Variants in FAP observed in about 807,000 individuals in gnomAD.
FAP encodes the protein fibroblast activation protein alpha, also known as prolyl endopeptidase FAP.
FAP carries 110 observed loss-of-function variants against 126.5 expected under a neutral mutation model. That is an observed-to-expected ratio of 0.87 (90% confidence interval 0.74 to 1.02). The LOEUF (loss-of-function observed/expected upper bound fraction) is 1.02, where lower values mean the gene tolerates loss of function less well. FAP is among the 50% of genes least tolerant of loss of function. The pLI is 0.00. For synonymous variants in FAP, 334 were observed against 297.3 expected, an observed-to-expected ratio of 1.12 and a Z score of -1.27; for missense variants, 919 against 909.2, an observed-to-expected ratio of 1.01 and a Z score of -0.14.
intron 12 of FAP, among the ~76,000 whole-genome samples, chr2:162,208,095 A>G (rs1395699611): frequency 6.6e-6 from 1 of 151,764 alleles, no homozygotes; most frequent in Non-Finnish European, 1.5e-5. Flanking sequence ...GTCTCTATTA[A>G]AAATACAAAA....
chr2:162,194,064 A>G (rs1346476026), intron 17 of FAP: 1 of 152,250 alleles, frequency 6.6e-6, no homozygotes, highest in East Asian at 1.9e-4. Flanking sequence ...TGAGATGTGA[A>G]CTATTTTGAA....
intron 2 of FAP, among the ~76,000 whole-genome samples, chr2:162,237,380 C>G (rs1690181557): frequency 6.6e-6 from 1 of 152,146 alleles, no homozygotes; most frequent in Non-Finnish European, 1.5e-5. Flanking sequence ...GTCCCCCGAC[C>G]CCCCAACAGG....
Position 162,243,088 on chromosome 2 carries a change from C to T in FAP, c.7-96G>A, listed in dbSNP as rs1690420131. On this transcript the variant is annotated intron_variant, in intron 1 of 25. Coordinates refer to ENST00000188790, the MANE Select transcript of FAP (RefSeq NM_004460.5). ...TACACCTAAATCCTTTTTCTCTCGC[C>T]CCACAAAGCTTTTGATTGTTTTCCA... 4.9e-6 allele frequency: 5 copies of T among 1,015,206 alleles called. No homozygotes were observed. The Admixed American group carries it at 6.3e-5, about 13-fold the overall frequency. 62.9% of individuals were successfully genotyped at this position (1,015,206 alleles called of 1,614,324 possible).
At chr2:162,183,771 T>C (rs191663414) in intron 20 of FAP, among the ~76,000 whole-genome samples, 1 of 152,208 alleles carries the variant, frequency 6.6e-6, no homozygotes, top group East Asian at 1.9e-4. Context: ...AAAAGATGGG[T>C]TCATAGTGAC....
Position 162,243,412 on chromosome 2 carries a change from G to C in FAP, c.-85C>G. On this transcript the variant is annotated 5_prime_UTR_variant, in exon 1 of 26. Coordinates refer to ENST00000188790, the MANE Select transcript of FAP (RefSeq NM_004460.5). ...TGTGAAAACCGTTGAAAAGGACCAA[G>C]TCTGTCTTTGTAGTTGGAAGCTGAA... 6.5e-7 allele frequency: 1 copy of C among 1,545,984 alleles called. No homozygotes were observed. Among genetic ancestry groups the C allele is most frequent in the Non-Finnish European group, 8.7e-7 (1 of 1,152,708 alleles).
chr2:162,238,979 C>T (rs1340471996), intron 2 of FAP, among the ~76,000 whole-genome samples: 1 of 152,164 alleles, frequency 6.6e-6, no homozygotes, highest in South Asian at 2.1e-4. Flanking sequence ...AAAGGCAAGA[C>T]TCAGCTAAAT....
chr2:162,201,221 G>C (rs1172870218), intron 14 of FAP, among the ~76,000 whole-genome samples: 2 of 152,052 alleles, frequency 1.3e-5, no homozygotes, highest in Non-Finnish European at 2.9e-5. Flanking sequence ...ATGTTCATCT[G>C]AGTATCAGAA....
At chr2:162,228,716 G>A (rs1689766263) in intron 2 of FAP, among the ~76,000 whole-genome samples, 1 of 152,100 alleles carries the variant, frequency 6.6e-6, no homozygotes, top group Admixed American at 6.5e-5. Context: ...TAATGAAATG[G>A]TATTATGTAG....
chr2:162,173,608 A>G (rs1687388189), intron 23 of FAP, 115 bp downstream of exon 23: 1 of 741,814 alleles, frequency 1.3e-6, no homozygotes, highest in Admixed American at 2.1e-5. Flanking sequence ...AATTAACAAA[A>G]GATGATATTT....
chr2:162,199,498 C>G (rs2106242848), intron 15 of FAP, among the ~76,000 whole-genome samples: 1 of 152,278 alleles, frequency 6.6e-6, no homozygotes, highest in South Asian at 2.1e-4. Flanking sequence ...ACTCACCCTG[C>G]AGAGTCATCT....
intron 14 of FAP, among the ~76,000 whole-genome samples, chr2:162,201,728 T>G (rs1046236706): frequency 2.0e-5 from 3 of 152,210 alleles, no homozygotes; most frequent in African/African-American, 7.2e-5. Context: ...TGTATTGAAC[T>G]ACTCTGTGTC....
intron 7 of FAP, 35 bp from the exon 8 acceptor site, chr2:162,219,218 A>T (rs1210138926): frequency 1.9e-6 from 3 of 1,582,770 alleles, no homozygotes; most frequent in Non-Finnish European, 2.6e-6. Context: ...TCCACAACAA[A>T]TTAAATGAAG....
intron 20 of FAP, among the ~76,000 whole-genome samples, chr2:162,185,198 G>A (rs1158800355): frequency 1.3e-5 from 2 of 152,086 alleles, no homozygotes; most frequent in Non-Finnish European, 2.9e-5. Context: ...TTCTAATCTT[G>A]GAGTCTGGAT....
intron 10 of FAP, 131 bp downstream of exon 10, chr2:162,215,767 A>G: frequency 1.6e-6 from 1 of 621,718 alleles, no homozygotes; most frequent in Non-Finnish European, 2.7e-6. Flanking sequence ...CTTATTTGTC[A>G]ATTTTAATTT....
intron 11 of FAP, among the ~76,000 whole-genome samples, chr2:162,213,404 CA>C (rs535092821): frequency 5.5e-5 from 8 of 146,434 alleles, no homozygotes; most frequent in East Asian, 2.0e-4. Context: ...AAAAAACAAA[CA>C]AAAAAAACAA....
rs960479111 is a variant in FAP at position 162,209,947 on chromosome 2, C to A, written c.1047+5G>T. On this transcript the variant is annotated splice_donor_5th_base_variant and intron_variant, in intron 12 of 25. Coordinates refer to ENST00000188790, the MANE Select transcript of FAP (RefSeq NM_004460.5). ...AAACATAAGAAAAAGATAGCAAAAT[C>A]ATACTCCACCAGCCCATCCAGTTCT... The A allele has an allele frequency of 6.2e-7, 1 of 1,612,146 alleles. No individual in the cohort carries two copies. The highest frequency in any genetic ancestry group is 8.5e-7 in the Non-Finnish European group (1 of 1,178,938).
At chr2:162,205,614 A>G (rs1263556211) in intron 12 of FAP, among the ~76,000 whole-genome samples, 4 of 152,030 alleles carry the variant, frequency 2.6e-5, no homozygotes, top group South Asian at 2.1e-4. Flanking sequence ...CCCGGGCACA[A>G]GTGATTCTCC....
At chr2:162,217,385 C>T (rs1286664225) in intron 9 of FAP, among the ~76,000 whole-genome samples, 1 of 152,148 alleles carries the variant, frequency 6.6e-6, no homozygotes, top group African/African-American at 2.4e-5. Context: ...TGAGACCTGA[C>T]CATTCTCCTA....
chr2:162,171,443 T>C (rs1438677016), intron 25 of FAP: 4 of 175,574 alleles, frequency 2.3e-5, no homozygotes, highest in African/African-American at 9.5e-5. Context: ...GGGGTTGGAG[T>C]TGATTTTCCC....
Sources: allele counts gnomAD v4.1 joint callset (sites outside exome capture counted in the v4.1 genomes callset), GRCh38; gene constraint gnomAD v4.1.1; transcripts MANE v1.5; gene names NCBI Gene and HGNC (gene_info 2026-07-23, HGNC 2026-07-21).